Variants in CSMD1 observed in about 807,000 individuals in gnomAD.
The protein encoded by CSMD1 is CUB and sushi domain-containing protein 1.
Under a neutral mutation model 417.5 loss-of-function variants are expected in CSMD1, and 213 were observed. The ratio of observed to expected loss-of-function variants is 0.51; its 90% CI spans 0.46 to 0.57. CSMD1 has a LOEUF of 0.57. CSMD1 is among the 20% of genes least tolerant of loss of function. The pLI is 0.00. For synonymous variants in CSMD1, 2,862 were observed against 1,736.8 expected (o/e 1.65, Z -16.11); for missense variants, 6,923 against 4,529.7 (o/e 1.53, Z -15.17).
intron 5 of CSMD1, among the ~76,000 whole-genome samples, chr8:3,897,797 T>C (rs1451623257): frequency 2.6e-5 from 4 of 152,198 alleles, no homozygotes; most frequent in Admixed American, 2.6e-4. Flanking sequence ...AGATGGGCTA[T>C]TTGCTTCGTA....
At chr8:4,165,080 C>G (rs1424993483) in intron 3 of CSMD1, among the ~76,000 whole-genome samples, 1 of 152,022 alleles carries the variant, frequency 6.6e-6, no homozygotes, top group Non-Finnish European at 1.5e-5. Context: ...TAGGTGGGTA[C>G]AGATGTGTGT....
Position 3,223,820 on chromosome 8 carries a change from G to T in CSMD1, c.4393C>A (p.Pro1465Thr). The stretch of plus-strand genomic sequence containing the variant: ...GGAGGATACGGCTGTGGGTAGTTGG[G>T]TGACAAAATAACACCTGCTGGGCCC... ...LTGPAGVILS[P>T]NYPQPYPPGK... The change falls in exon 28 of 70, where the codon CCC (proline) becomes ACC (threonine). Residue 1465 changes from proline (P) to threonine (T), a missense_variant. Transcript: ENST00000635120. The T allele has an allele frequency of 6.2e-7, 1 of 1,613,840 alleles. No individual in the cohort carries two copies. The highest frequency in any genetic ancestry group is 8.5e-7 in the Non-Finnish European group (1 of 1,179,812).
At chr8:3,795,711 A>C (rs193266802) in intron 5 of CSMD1, among the ~76,000 whole-genome samples, 1 of 32,304 alleles carries the variant, frequency 3.1e-5, no homozygotes, top group African/African-American at 1.6e-4. Flanking sequence ...ATATCTATCA[A>C]GTACAGCTAT....
chr8:4,864,129 A>AT (rs1802291994), intron 1 of CSMD1, among the ~76,000 whole-genome samples: 1 of 151,972 alleles, frequency 6.6e-6, no homozygotes, highest in Non-Finnish European at 1.5e-5. Flanking sequence ...TTGTCTGGGT[A>AT]TTTTTTATTA....
At chr8:4,750,303 G>A (rs1027743728) in intron 1 of CSMD1, among the ~76,000 whole-genome samples, 2 of 152,174 alleles carry the variant, frequency 1.3e-5, no homozygotes, top group African/African-American at 4.8e-5. Flanking sequence ...ACCATGCCCG[G>A]CCCTGACTTT....
At chr8:3,706,774 C>G (rs1047433311) in intron 7 of CSMD1, among the ~76,000 whole-genome samples, 1 of 147,914 alleles carries the variant, frequency 6.8e-6, no homozygotes, top group Non-Finnish European at 1.5e-5. Context: ...CATTTTCAAA[C>G]TACTGTAAAT....
At chr8:4,050,692 T>C (rs1798380033) in intron 3 of CSMD1, among the ~76,000 whole-genome samples, 3 of 152,074 alleles carry the variant, frequency 2.0e-5, no homozygotes. Context: ...CCCACTTCCA[T>C]CCAAGCCCCA....
chr8:3,046,769 C>T (rs967693629), intron 50 of CSMD1, among the ~76,000 whole-genome samples: 1 of 152,190 alleles, frequency 6.6e-6, no homozygotes, highest in African/African-American at 2.4e-5. Flanking sequence ...TGATGCCCAG[C>T]CACATCTGTG....
intron 11 of CSMD1, among the ~76,000 whole-genome samples, chr8:3,483,030 G>C (rs751779236): frequency 4.0e-5 from 6 of 151,890 alleles, no homozygotes; most frequent in Admixed American, 2.0e-4. Context: ...AGATAGAAAA[G>C]AATGAAAAAA....
intron 3 of CSMD1, among the ~76,000 whole-genome samples, chr8:4,290,972 C>A (rs533034880): frequency 8.5e-5 from 13 of 152,256 alleles, no homozygotes; most frequent in Admixed American, 5.9e-4. Context: ...GGCAAAATTT[C>A]ATCTCCCTAA....
intron 12 of CSMD1, among the ~76,000 whole-genome samples, chr8:3,430,510 G>A (rs957840786): frequency 6.6e-6 from 1 of 152,106 alleles, no homozygotes; most frequent in African/African-American, 2.4e-5. Context: ...ATTACAACAT[G>A]TTAAAGCATT....
intron 12 of CSMD1, among the ~76,000 whole-genome samples, chr8:3,442,983 A>C (rs1229748796): frequency 6.6e-6 from 1 of 152,170 alleles, no homozygotes; most frequent in East Asian, 1.9e-4. Context: ...TAAATCATTA[A>C]AATTGTCCTC....
At chr8:3,187,660 T>A (rs571623921) in intron 36 of CSMD1, among the ~76,000 whole-genome samples, 36 of 152,216 alleles carry the variant, frequency 2.4e-4, no homozygotes, top group African/African-American at 8.2e-4. Context: ...TTTAGATTGG[T>A]CTCCTCCTCG....
In CSMD1 at chr8:4,957,371, A is replaced by C. The variant is rs1053388903; in HGVS notation, c.85+36961T>G. On this transcript the variant is annotated intron_variant, in intron 1 of 69. Transcript: ENST00000635120. Reference sequence around the variant, plus strand: ...CACATTTGGCAGTTTGTGAAAAATTATGTTCAAAAAGCAATGAAACACAAA... The same window carrying C: ...CACATTTGGCAGTTTGTGAAAAATTCTGTTCAAAAAGCAATGAAACACAAA... Among the ~76,000 whole-genome samples the C allele has an allele frequency of 1.3e-5, 2 of 152,310 alleles. 1 individual carries two copies. The highest frequency in any genetic ancestry group is 4.1e-4 in the South Asian group (2 of 4,828).
chr8:3,214,173 A>C (rs1385857232), intron 30 of CSMD1, among the ~76,000 whole-genome samples: 3 of 152,226 alleles, frequency 2.0e-5, no homozygotes, highest in African/African-American at 7.2e-5. Flanking sequence ...ATGGAGAGAG[A>C]GAGAGAGAGA....
chr8:4,662,474 T>C (rs913814365), intron 1 of CSMD1, among the ~76,000 whole-genome samples: 31 of 152,186 alleles, frequency 2.0e-4, no homozygotes, highest in African/African-American at 7.5e-4. Flanking sequence ...AGTGAAGCAC[T>C]TTGTTTCTGC....
intron 2 of CSMD1, among the ~76,000 whole-genome samples, chr8:4,512,148 A>C (rs937887428): frequency 6.6e-6 from 1 of 152,202 alleles, no homozygotes; most frequent in African/African-American, 2.4e-5. Flanking sequence ...TGAAAAATTA[A>C]TTAACATATC....
At chr8:4,229,445 T>C (rs1801572121) in intron 3 of CSMD1, among the ~76,000 whole-genome samples, 1 of 152,206 alleles carries the variant, frequency 6.6e-6, no homozygotes, top group South Asian at 2.1e-4. Flanking sequence ...TTCAACAACC[T>C]TACAGAAGAC....
chr8:4,562,244 C>T (rs148508027), intron 2 of CSMD1, among the ~76,000 whole-genome samples: 9 of 152,182 alleles, frequency 5.9e-5, no homozygotes, highest in African/African-American at 1.9e-4. Context: ...GTGTTCCACA[C>T]GGGAAATACA....
Sources: allele counts gnomAD v4.1 joint callset (sites outside exome capture counted in the v4.1 genomes callset), GRCh38; gene constraint gnomAD v4.1.1; transcripts MANE v1.5; gene names NCBI Gene and HGNC (gene_info 2026-07-23, HGNC 2026-07-21).